The following DTX4 variants were observed in gnomAD, a reference collection of about 807,000 sequenced individuals.
DTX4 encodes deltex E3 ubiquitin ligase 4.
In DTX4, 28 loss-of-function variants were observed where a neutral mutation model predicts 57.6. That is an observed-to-expected ratio of 0.49 (90% CI 0.36 to 0.67). The LOEUF is 0.67. Ranked by LOEUF, DTX4 falls within the 30% of genes least tolerant of loss-of-function variation. DTX4 has a pLI of 0.00. For missense variants in DTX4, 715 were observed against 836.8 expected (o/e 0.85, Z 1.80); for synonymous variants, 316 against 331.0 (o/e 0.95, Z 0.49).
intron 7 of DTX4, among the ~76,000 whole-genome samples, chr11:59,199,299 A>G (rs1291565632): frequency 6.6e-6 from 1 of 152,216 alleles, no homozygotes; most frequent in Non-Finnish European, 1.5e-5. Flanking sequence ...CTTTTGTAAG[A>G]CAATAGATGA....
At position 59,199,703 on chromosome 11, in the gene DTX4, C is replaced by A; in HGVS notation, c.1556C>A (p.Pro519His). The A allele has an allele frequency of 6.3e-7, 1 of 1,577,334 alleles. No homozygotes were observed. The highest frequency in any genetic ancestry group is 2.3e-5 in the East Asian group (1 of 42,668). ...TTTCAGGGACCGGAACACCCGAATCCTGGGAAGAGTTTCAGCGCCCGAGGC... is the reference window on the plus strand; with the variant it reads ...TTTCAGGGACCGGAACACCCGAATCATGGGAAGAGTTTCAGCGCCCGAGGC... ...PGIQGPEHPN[P>H]GKSFSARGFP... Residue 519 changes from proline (P) to histidine (H), a missense_variant, in exon 8 of 9, where the codon CCT becomes CAT. Transcript: ENST00000227451.
chr11:59,181,926 C>G lies in DTX4; in HGVS notation c.399C>G (p.Tyr133Ter). ...WIDLTSIGFSYVIDFNTMGQI... is the reference protein window; with the variant it reads ...WIDLTSIGFS ...ACCTCACTTCCATTGGCTTTAGCTA[C>G]GTAATTGACTTCAACACCATGGGCC... Residue 133 changes from tyrosine (Y) to a stop codon, truncating the protein, a stop_gained, in exon 2 of 9, where the codon TAC becomes TAG. Coordinates refer to ENST00000227451, the MANE Select transcript of DTX4 (RefSeq NM_015177.2). LOFTEE classifies it high-confidence loss of function. 1 of 1,613,984 alleles carries G rather than the reference C, an allele frequency of 6.2e-7. No homozygotes were observed. The highest frequency in any genetic ancestry group is 8.5e-7 in the Non-Finnish European group (1 of 1,179,882).
chr11:59,174,276 T>C (rs1235629119), intron 1 of DTX4, among the ~76,000 whole-genome samples: 1 of 151,420 alleles, frequency 6.6e-6, no homozygotes, highest in Non-Finnish European at 1.5e-5. Flanking sequence ...GAGCAGAGAA[T>C]AGAGAGGAAT....
chr11:59,175,651 C>T (rs565733296), intron 1 of DTX4, among the ~76,000 whole-genome samples: 2 of 152,272 alleles, frequency 1.3e-5, no homozygotes, highest in South Asian at 2.1e-4. Context: ...GGCCCCTCTC[C>T]ACCTGCCATC....
chr11:59,174,674 T>C (rs577682015), intron 1 of DTX4, among the ~76,000 whole-genome samples: 1 of 152,256 alleles, frequency 6.6e-6, no homozygotes, highest in East Asian at 1.9e-4. Flanking sequence ...CAAAGGTTCA[T>C]GACCCTTTCT....
intron 1 of DTX4, among the ~76,000 whole-genome samples, chr11:59,175,604 T>C (rs775879672): frequency 6.6e-6 from 1 of 152,206 alleles, no homozygotes; most frequent in African/African-American, 2.4e-5. Flanking sequence ...GTGAGATAGA[T>C]GGGACTGGCT....
At chr11:59,174,027 CAG>C (rs2135509414) in intron 1 of DTX4, among the ~76,000 whole-genome samples, 1 of 152,262 alleles carries the variant, frequency 6.6e-6, no homozygotes, top group East Asian at 1.9e-4. Context: ...GCTGTTTGAG[CAG>C]AGTCTCTCTG....
At position 59,182,115 on chromosome 11, in the gene DTX4, G is replaced by A; in HGVS notation, c.588G>A (p.Leu196=). The A allele has an allele frequency of 4.3e-6, 7 of 1,613,468 alleles. No individual in the cohort carries two copies. The highest frequency in any genetic ancestry group is 5.9e-6 in the Non-Finnish European group (7 of 1,179,772). Residue 196 remains leucine, a synonymous_variant, in exon 2 of 9, where the codon TTG becomes TTA. Transcript: ENST00000227451. ...MSPCSCPQCV[L]VMSVKAAVVN... ...CCTGCTCCTGTCCCCAGTGTGTCTT[G>A]GTGATGAGTGTTAAGGCAGCCGTGG...
chr11:59,202,390 T>C (rs2135527002), intron 8 of DTX4, among the ~76,000 whole-genome samples: 1 of 152,380 alleles, frequency 6.6e-6, no homozygotes, highest in South Asian at 2.1e-4. Context: ...AAAATAGTGG[T>C]GATGATTTGC....
At chr11:59,175,062 C>G (rs866106826) in intron 1 of DTX4, among the ~76,000 whole-genome samples, 10 of 152,288 alleles carry the variant, frequency 6.6e-5, no homozygotes, top group Middle Eastern at 3.4e-3. Context: ...CTCTGAGCCC[C>G]CTCCTCTCCC....
rs1362540289 is a variant in DTX4, at chr11:59,195,385, A to G, written c.1536+16A>G. ...CGGCATTCAGGTGAGCCTTTCTCTC[A>G]GGTGAGCCTTTCTGTCACCCCTTGG... On this transcript the variant is annotated intron_variant, in intron 7 of 8. Transcript: ENST00000227451. The G allele has an allele frequency of 3.1e-6, 5 of 1,587,320 alleles. No homozygotes were observed. Among genetic ancestry groups the G allele is most frequent in the Non-Finnish European group, 4.3e-6 (5 of 1,164,158 alleles).
intron 2 of DTX4, among the ~76,000 whole-genome samples, chr11:59,187,489 C>T (rs575716658): frequency 6.6e-6 from 1 of 152,230 alleles, no homozygotes; most frequent in Admixed American, 6.5e-5. Context: ...CTGCTGACCC[C>T]CAGCATCGGG....
chr11:59,194,417 G>A (rs189077016), intron 6 of DTX4, among the ~76,000 whole-genome samples: 18 of 152,248 alleles, frequency 1.2e-4, no homozygotes, highest in Admixed American at 6.5e-4. Context: ...TTTTCTTAAA[G>A]TTATCCTCAT....
At chr11:59,198,793 G>C (rs779078476) in intron 7 of DTX4, among the ~76,000 whole-genome samples, 32 of 152,206 alleles carry the variant, frequency 2.1e-4, no homozygotes, top group Non-Finnish European at 4.6e-4. Flanking sequence ...CCATCCCTCA[G>C]GGGGTCAGGG....
Position 59,195,301 on chromosome 11 carries a change from C to A in DTX4, c.1468C>A (p.His490Asn). The A allele has an allele frequency of 6.2e-7, 1 of 1,613,966 alleles. No individual in the cohort carries two copies. The highest frequency in any genetic ancestry group is 8.5e-7 in the Non-Finnish European group (1 of 1,179,854). The change falls in exon 7 of 9, where the codon CAC (histidine) becomes AAC (asparagine). Residue 490 changes from histidine to asparagine, a missense_variant. Coordinates refer to ENST00000227451, the MANE Select transcript of DTX4 (RefSeq NM_015177.2). ...GAAGATGGAGTACCACCTCATCCCC[C>A]ACTCCTTGCCTGGCCACCCAGACTG... is the stretch of plus-strand genomic sequence containing the variant. ...PGKMEYHLIP[H>N]SLPGHPDCKT...
In DTX4 at chr11:59,189,242, C is replaced by G. The variant is rs764265922; in HGVS notation, c.1078C>G (p.Pro360Ala). ...RPPKLVLHPPPVSKSEIKSIP... is the reference protein window; with the variant it reads ...RPPKLVLHPPAVSKSEIKSIP... ...ACCAAAGCTGGTCCTACACCCACCC[C>G]CCGTCAGCAAGAGTGAAATAAAATC... Residue 360 changes from proline (P) to alanine (A), a missense_variant, in exon 4 of 9, where the codon CCC (proline) becomes GCC (alanine). Transcript: ENST00000227451. 4 of 1,611,704 alleles carry G rather than the reference C, an allele frequency of 2.5e-6. No individual in the cohort carries two copies. The highest frequency in any genetic ancestry group is 4.5e-5 in the East Asian group (2 of 44,724).
At chr11:59,180,454 G>T (rs1862449309) in intron 1 of DTX4, among the ~76,000 whole-genome samples, 1 of 152,206 alleles carries the variant, frequency 6.6e-6, no homozygotes, top group Non-Finnish European at 1.5e-5. Context: ...GGCCTGAATA[G>T]CCATTGTTTC....
In DTX4 at chr11:59,206,508, C is replaced by CATATATATAT. The variant is rs1412393714; in HGVS notation, c.*1599_*1600insATATATATAT. The CATATATATAT allele has an allele frequency of 2.6e-5, 2 of 75,706 alleles. No homozygotes were observed. Among genetic ancestry groups the CATATATATAT allele is most frequent in the Non-Finnish European group, 5.8e-5 (2 of 34,722 alleles). 4.7% of individuals were successfully genotyped at this position (75,706 alleles called of 1,614,324 possible). ...TATACCTCATGTTTTGGGGGTTTGACGTATATATATATATATATATATGCA... is the reference window on the plus strand; with the variant it reads ...TATACCTCATGTTTTGGGGGTTTGACATATATATATGTATATATATATATATATATATGCA... On this transcript the variant is annotated 3_prime_UTR_variant, in exon 9 of 9. Transcript: ENST00000227451.
chr11:59,182,357 C>T lies in DTX4; in HGVS notation c.830C>T (p.Pro277Leu). 1 of 1,613,710 alleles carries T rather than the reference C, an allele frequency of 6.2e-7. No homozygotes were observed. Among genetic ancestry groups the T allele is most frequent in the Non-Finnish European group, 8.5e-7 (1 of 1,179,860 alleles). ...TGTTMGSPAS[P>L]PGPNSKTGRV... The stretch of plus-strand genomic sequence containing the variant: ...ACAACCATGGGCTCTCCTGCCAGTC[C>T]CCCAGGACCCAACAGCAAGACCGGA... The change falls in exon 2 of 9, where the codon CCC (proline) becomes CTC (leucine). Residue 277 changes from proline to leucine, a missense_variant. By Grantham distance (98) the Pro-to-Leu change is moderately conservative (BLOSUM62 -3). Coordinates refer to ENST00000227451, the MANE Select transcript of DTX4 (RefSeq NM_015177.2).
Sources: gnomAD v4.1 joint callset for allele counts (sites outside exome capture counted in the v4.1 genomes callset) on GRCh38, gnomAD v4.1.1 for gene constraint, MANE v1.5 for transcripts, NCBI Gene and HGNC (gene_info 2026-07-23, HGNC 2026-07-21) for gene names.